The following OR3A2 variants were observed in gnomAD, a reference collection of about 807,000 sequenced individuals.
OR3A2 encodes olfactory receptor family 3 subfamily A member 2.
For missense variants in OR3A2, 318 were observed against 392.8 expected (o/e 0.81, Z 1.61); for synonymous variants, 126 against 159.3 (o/e 0.79, Z 1.57).
intron 3 of OR3A2, among the ~76,000 whole-genome samples, chr17:3,315,729 A>C (rs2049076303): frequency 6.9e-6 from 1 of 144,954 alleles, no homozygotes; most frequent in Admixed American, 6.9e-5. Flanking sequence ...TAAAACTTTT[A>C]AAGTGCTAAC....
In OR3A2 at chr17:3,333,957, C is replaced by T. The variant is rs537168136; in HGVS notation, c.-85+2076G>A. ...AAAGTGGGCAAAGGACATGAACAGA[C>T]ACTTCTCAAAAGAAGACATTCATGC... On this transcript the variant is annotated intron_variant, in intron 3 of 4. Coordinates refer to the OR3A2 transcript ENST00000573491. 2.0e-5 allele frequency among the ~76,000 whole-genome samples: 3 copies of T among 152,224 alleles called. No homozygotes were observed. The East Asian group carries it at 5.8e-4, about 29-fold the overall frequency.
At position 3,311,123 on chromosome 17, in the gene OR3A2, G is replaced by C. The variant is rs769793961; in HGVS notation, c.-85+24910C>G. On this transcript the variant is annotated intron_variant, in intron 3 of 4. Coordinates refer to the OR3A2 transcript ENST00000573491. This position sits in a 1 kb window ranked among gnomAD's most constrained non-coding sequence, Gnocchi z 4.6. ...CAAGGCTGGGTTCAGTGGAGTCTTCGGACAAGGACAAGGGCATTGGCATCC... is the reference window on the plus strand; with the variant it reads ...CAAGGCTGGGTTCAGTGGAGTCTTCCGACAAGGACAAGGGCATTGGCATCC... 9.2e-6 allele frequency: 5 copies of C among 541,284 alleles called. No homozygotes were observed. Among genetic ancestry groups the C allele is most frequent in the South Asian group, 6.9e-5 (5 of 72,278 alleles). 33.5% of individuals were successfully genotyped at this position (541,284 alleles called of 1,614,324 possible). A position where few individuals can be genotyped will look rare whatever the true frequency, so the allele number is the denominator to read the frequency against.
chr17:3,323,554 T>C (rs2094451990), intron 3 of OR3A2, among the ~76,000 whole-genome samples: 1 of 152,092 alleles, frequency 6.6e-6, no homozygotes. Context: ...GCAGGCCTGG[T>C]GGTGACAAAA....
Position 3,361,106 on chromosome 17 carries a change from T to C in OR3A2, c.-179+22698A>G, listed in dbSNP as rs1029140220. Reference sequence around the variant, plus strand: ...TCTTTTATTTCGTTAAGCAGTGGTTTGTAGTTCTCCTTGAAGAGGTCCTTC... The same window carrying C: ...TCTTTTATTTCGTTAAGCAGTGGTTCGTAGTTCTCCTTGAAGAGGTCCTTC... On this transcript the variant is annotated intron_variant, in intron 2 of 4. Transcript: ENST00000573491. 2.6e-5 allele frequency among the ~76,000 whole-genome samples: 4 copies of C among 151,514 alleles called. 1 individual carries two copies. The highest frequency in any genetic ancestry group is 4.9e-5 in the African/African-American group (2 of 40,794).
upstream of OR3A2, among the ~76,000 whole-genome samples, chr17:3,288,079 G>T (rs9909928): frequency 0.2 from 30,253 of 150,910 alleles, 3,728 homozygotes; most frequent in African/African-American, 0.33. Context: ...GAAGATAAAG[G>T]TCATAAAATA....
chr17:3,300,489 G>A (rs1300711100), intron 3 of OR3A2, among the ~76,000 whole-genome samples: 1 of 152,150 alleles, frequency 6.6e-6, no homozygotes, highest in African/African-American at 2.4e-5. Flanking sequence ...AACCTGGGAG[G>A]CAGAGGTTGC....
chr17:3,349,810 A>G (rs968748537), intron 2 of OR3A2, among the ~76,000 whole-genome samples: 26 of 152,032 alleles, frequency 1.7e-4, no homozygotes, highest in Non-Finnish European at 3.7e-4. Flanking sequence ...AATGTAAAAG[A>G]ACAGAAATTA....
At chr17:3,322,945 G>T (rs10451247) in intron 3 of OR3A2, among the ~76,000 whole-genome samples, 2,335 of 152,208 alleles carry the variant, frequency 0.015, 70 homozygotes, top group African/African-American at 0.052. Context: ...TTGTCTCGTT[G>T]ATCTGTCTAA....
chr17:3,360,244 C>T (rs1412932628), intron 2 of OR3A2, among the ~76,000 whole-genome samples: 2 of 141,814 alleles, frequency 1.4e-5, no homozygotes, highest in African/African-American at 5.7e-5. Flanking sequence ...TGTTCATATC[C>T]TTCGCCCACT....
intron 2 of OR3A2, among the ~76,000 whole-genome samples, chr17:3,348,430 G>C (rs377412071): frequency 4.6e-5 from 7 of 152,292 alleles, no homozygotes; most frequent in East Asian, 3.9e-4. Context: ...AAGGGTATCA[G>C]TGATGGAAGA....
chr17:3,376,703 C>T (rs140766352), intron 2 of OR3A2, among the ~76,000 whole-genome samples: 3 of 152,260 alleles, frequency 2.0e-5, no homozygotes, highest in African/African-American at 7.2e-5. Context: ...GGCTACCAGC[C>T]TCCCCACTGA....
intron 1 of OR3A2, among the ~76,000 whole-genome samples, chr17:3,279,518 G>T (rs934226743): frequency 2.6e-5 from 4 of 152,220 alleles, no homozygotes; most frequent in African/African-American, 9.6e-5. Flanking sequence ...CCCAGGCTGG[G>T]CGTGGTGGCT....
intron 3 of OR3A2, among the ~76,000 whole-genome samples, chr17:3,300,803 T>A (rs1411919396): frequency 6.6e-6 from 1 of 151,694 alleles, no homozygotes; most frequent in African/African-American, 2.4e-5. Flanking sequence ...TAACTCGTCA[T>A]TTACATTAGG....
At chr17:3,333,182 G>A (rs2049253472) in intron 3 of OR3A2, among the ~76,000 whole-genome samples, 1 of 152,156 alleles carries the variant, frequency 6.6e-6, no homozygotes, top group Non-Finnish European at 1.5e-5. Context: ...CGCTCTGGGA[G>A]CATCTGTCTT....
chr17:3,354,838 A>T (rs944027036), intron 2 of OR3A2, among the ~76,000 whole-genome samples: 1 of 151,176 alleles, frequency 6.6e-6, no homozygotes, highest in Non-Finnish European at 1.5e-5. Context: ...GTTCTTTAAG[A>T]TGCATCATTA....
At chr17:3,278,705 C>A in exon 2 of OR3A2, 1 of 1,334,552 alleles carries the variant, frequency 7.5e-7, no homozygotes, top group East Asian at 2.5e-5. Context: ...CGACATCCAG[C>A]ACTGACAGGT....
chr17:3,357,793 T>C (rs989779320), intron 2 of OR3A2, among the ~76,000 whole-genome samples: 8 of 151,654 alleles, frequency 5.3e-5, no homozygotes, highest in African/African-American at 2.0e-4. Flanking sequence ...CCTGAAGCAA[T>C]CCTCCTGCCT....
chr17:3,325,606 T>C (rs1325764023), intron 3 of OR3A2, among the ~76,000 whole-genome samples: 1 of 152,096 alleles, frequency 6.6e-6, no homozygotes, highest in Admixed American at 6.6e-5. Context: ...TTATATTCTG[T>C]TACAGCAGTC....
intron 3 of OR3A2, among the ~76,000 whole-genome samples, chr17:3,306,694 A>AAAAAAAAC (rs1429072041): frequency 0.095 from 11,183 of 117,476 alleles, 1,375 homozygotes; most frequent in African/African-American, 0.24. Flanking sequence ...AAAAAAAAAA[A>AAAAAAAAC]ACCGTAACCC....
Sources: allele counts gnomAD v4.1 joint callset (sites outside exome capture counted in the v4.1 genomes callset), GRCh38; gene constraint gnomAD v4.1.1; non-coding constraint Gnocchi (gnomAD v3.1); transcripts MANE v1.5; gene names NCBI Gene and HGNC (gene_info 2026-07-23, HGNC 2026-07-21).